MREG: variants seen among roughly 807,000 people sequenced by gnomAD.
MREG encodes the protein dilute suppressor protein homolog.
Under a neutral mutation model 28.5 loss-of-function variants are expected in MREG, and 31 were observed. The observed-to-expected ratio is 1.09, with a 90% confidence interval of 0.82 to 1.47. The LOEUF (loss-of-function observed/expected upper bound fraction) is 1.47, where lower values mean the gene tolerates loss of function less well. Among genes scored for constraint, MREG ranks in the 40% most tolerant of loss-of-function variants. The pLI, the probability that MREG is intolerant of heterozygous loss-of-function variation, is 0.00. For missense variants in MREG, 256 were observed against 257.4 expected (o/e 0.99, Z 0.04); for synonymous variants, 106 against 95.2 (o/e 1.11, Z -0.66).
chr2:215,961,628 C>T (rs7558212), intron 2 of MREG, among the ~76,000 whole-genome samples: 2,321 of 152,078 alleles, frequency 0.015, 67 homozygotes, highest in African/African-American at 0.052. Flanking sequence ...GGTTTCATCA[C>T]GTTGGCCAGG....
At chr2:215,939,577 T>G (rs1201354246), downstream of MREG, 2 of 152,194 alleles carry the variant, frequency 1.3e-5, no homozygotes, top group African/African-American at 4.8e-5. Flanking sequence ...GTGTGTGAAG[T>G]AGGCAGATAA....
At chr2:216,026,320 G>A (rs980640785) in intron 1 of MREG, among the ~76,000 whole-genome samples, 30 of 152,078 alleles carry the variant, frequency 2.0e-4, no homozygotes, top group African/African-American at 7.2e-4. Flanking sequence ...AATGCCACTG[G>A]ATCATTCATT....
intron 2 of MREG, among the ~76,000 whole-genome samples, chr2:215,995,509 A>ACCCCCCCCC (rs1212242370): frequency 1.2e-4 from 11 of 95,126 alleles, no homozygotes; most frequent in Non-Finnish European, 2.0e-4. Flanking sequence ...CACCCACCCC[A>ACCCCCCCCC]CCCCCCGCCA....
chr2:215,972,096 G>A (rs1173252147), intron 2 of MREG, among the ~76,000 whole-genome samples: 1 of 152,116 alleles, frequency 6.6e-6, no homozygotes, highest in East Asian at 1.9e-4. Context: ...CCACCTGGAT[G>A]GTCCAGTGCC....
intron 2 of MREG, among the ~76,000 whole-genome samples, chr2:215,976,341 A>C (rs1693260902): frequency 6.6e-6 from 1 of 152,148 alleles, no homozygotes; most frequent in Non-Finnish European, 1.5e-5. Context: ...CCTTGCTCTT[A>C]GCCCCATATT....
intron 1 of MREG, among the ~76,000 whole-genome samples, chr2:216,028,254 G>A (rs1037721247): frequency 3.9e-5 from 6 of 152,144 alleles, no homozygotes; most frequent in Non-Finnish European, 1.5e-5. Flanking sequence ...GGTGGCTCAC[G>A]CCTGTAATCC....
At chr2:216,016,966 T>C (rs149626943), upstream of MREG, among the ~76,000 whole-genome samples, 1,813 of 152,318 alleles carry the variant, frequency 0.012, 34 homozygotes, top group African/African-American at 0.04. Context: ...TGAAATAGTC[T>C]TCTAAAAAAT....
At chr2:216,005,191 A>G (rs1694116025) in intron 1 of MREG, among the ~76,000 whole-genome samples, 1 of 152,240 alleles carries the variant, frequency 6.6e-6, no homozygotes, top group East Asian at 1.9e-4. Flanking sequence ...AATAAGGACC[A>G]TGAACAAGGC....
intron 1 of MREG, among the ~76,000 whole-genome samples, chr2:216,003,354 C>G (rs1056636340): frequency 3.3e-5 from 5 of 152,158 alleles, no homozygotes; most frequent in Admixed American, 6.5e-5. Context: ...TGCTGCTTCA[C>G]ACATCTGTGC....
At chr2:215,979,706 A>C (rs3770540) in intron 2 of MREG, among the ~76,000 whole-genome samples, 26,337 of 151,432 alleles carry the variant, frequency 0.17, 2,859 homozygotes, top group East Asian at 0.39. Flanking sequence ...TATTTATCTC[A>C]AAAGACTGCC....
chr2:215,940,497 CT>C, downstream of MREG, among the ~76,000 whole-genome samples: 1 of 152,314 alleles, frequency 6.6e-6, no homozygotes, highest in Non-Finnish European at 1.5e-5. Context: ...CACTGCAGTT[CT>C]TTTCCAAAAG....
Position 216,020,559 on chromosome 2 carries a change from C to A in MREG, c.-68+12230G>T, listed in dbSNP as rs184882457. The stretch of plus-strand genomic sequence containing the variant: ...CTAGCAGGTTCTAGTCTCATGCACA[C>A]CCTTGCAGAGCTCAAGTGAAGAGGA... On this transcript the variant is annotated intron_variant, in intron 1 of 3. Transcript: ENST00000420348. Among the ~76,000 whole-genome samples, 9 of 152,302 alleles carry A rather than the reference C, an allele frequency of 5.9e-5. No homozygotes were observed. In the East Asian group the frequency reaches 1.5e-3, roughly 26 times the overall value.
At chr2:215,963,228 G>C (rs1170375113) in intron 2 of MREG, among the ~76,000 whole-genome samples, 1 of 152,096 alleles carries the variant, frequency 6.6e-6, no homozygotes, top group Non-Finnish European at 1.5e-5. Context: ...GGAAGGCCGA[G>C]GCGGATGGAT....
chr2:216,027,210 A>G (rs530800152), intron 1 of MREG, among the ~76,000 whole-genome samples: 2 of 152,340 alleles, frequency 1.3e-5, no homozygotes, highest in East Asian at 3.9e-4. Context: ...TTGCTGTAAT[A>G]CATTTGGTGT....
intron 2 of MREG, among the ~76,000 whole-genome samples, chr2:215,972,095 T>A (rs987562611): frequency 1.3e-5 from 2 of 152,182 alleles, no homozygotes; most frequent in Non-Finnish European, 2.9e-5. Context: ...ACCACCTGGA[T>A]GGTCCAGTGC....
At chr2:216,007,423 ATTTATTTAT>A (rs1296271323) in intron 1 of MREG, among the ~76,000 whole-genome samples, 2 of 150,270 alleles carry the variant, frequency 1.3e-5, no homozygotes, top group African/African-American at 4.9e-5. Context: ...TTATTTATTT[ATTTATTTAT>A]TTATTTATTT....
chr2:215,975,032 T>G (rs1231414958), intron 2 of MREG, among the ~76,000 whole-genome samples: 1 of 39,560 alleles, frequency 2.5e-5, no homozygotes, highest in Non-Finnish European at 6.2e-5. Flanking sequence ...ATATATGAAA[T>G]AATACCTCTG....
intron 1 of MREG, among the ~76,000 whole-genome samples, chr2:216,032,307 A>G (rs1559204283): frequency 6.6e-6 from 1 of 152,230 alleles, no homozygotes; most frequent in Non-Finnish European, 1.5e-5. Context: ...AACAAGGAAT[A>G]TTGTTTTTAC....
chr2:215,977,760 C>CA, intron 2 of MREG, among the ~76,000 whole-genome samples: 1 of 152,334 alleles, frequency 6.6e-6, no homozygotes, highest in African/African-American at 2.4e-5. Flanking sequence ...GGAAACTGAA[C>CA]AACCTGCTCC....
Sources: gnomAD v4.1 joint callset for allele counts (sites outside exome capture counted in the v4.1 genomes callset) on GRCh38, gnomAD v4.1.1 for gene constraint, MANE v1.5 for transcripts, NCBI Gene and HGNC (gene_info 2026-07-23, HGNC 2026-07-21) for gene names.